The following ADK variants were observed in gnomAD, a reference collection of about 807,000 sequenced individuals.
ADK encodes N6,N6-dimethyladenosine kinase.
In ADK, 24 loss-of-function variants were observed where a neutral mutation model predicts 44.7. That is an observed-to-expected ratio of 0.54 (90% CI 0.39 to 0.76). The LOEUF (loss-of-function observed/expected upper bound fraction) is 0.76, where lower values mean the gene tolerates loss of function less well. Ranked by LOEUF, ADK falls within the 30% of genes least tolerant of loss-of-function variation. The pLI is 0.00. For synonymous variants in ADK, 128 were observed against 142.6 expected (o/e 0.90, Z 0.73); for missense variants, 321 against 425.1 (o/e 0.76, Z 2.15).
intron 6 of ADK, among the ~76,000 whole-genome samples, chr10:74,407,331 G>C (rs1195425486): frequency 6.6e-6 from 1 of 152,106 alleles, no homozygotes; most frequent in Non-Finnish European, 1.5e-5. Flanking sequence ...ATCTCATCCA[G>C]TTGACATTTT....
At chr10:74,176,907 T>C in intron 1 of ADK, 1 of 1,610,036 alleles carries the variant, frequency 6.2e-7, no homozygotes. Context: ...GGCGGCTGCC[T>C]TGACTGCTCC....
chr10:74,412,597 C>T (rs909379677), intron 6 of ADK, among the ~76,000 whole-genome samples: 1 of 152,144 alleles, frequency 6.6e-6, no homozygotes, highest in Non-Finnish European at 1.5e-5. Context: ...CTCATTGATC[C>T]ATGGGCTGCA....
intron 6 of ADK, among the ~76,000 whole-genome samples, chr10:74,451,820 G>A (rs2133190508): frequency 6.6e-6 from 1 of 152,140 alleles, no homozygotes; most frequent in Admixed American, 6.5e-5. Context: ...GAAAGTGAAA[G>A]AAAACAAAAT....
chr10:74,284,453 G>T (rs1332137879), intron 3 of ADK, among the ~76,000 whole-genome samples: 1 of 151,670 alleles, frequency 6.6e-6, no homozygotes, highest in Non-Finnish European at 1.5e-5. Context: ...TAGTAGAGAC[G>T]GGGTTTCTCC....
intron 9 of ADK, among the ~76,000 whole-genome samples, chr10:74,622,947 C>T (rs963950352): frequency 1.3e-5 from 2 of 151,740 alleles, no homozygotes; most frequent in African/African-American, 2.4e-5. Context: ...GCGGAGGTTG[C>T]GGTGAGCCGA....
At chr10:74,238,855 G>GTTTTTTT (rs1845080402) in intron 3 of ADK, among the ~76,000 whole-genome samples, 2 of 86,522 alleles carry the variant, frequency 2.3e-5, no homozygotes, top group African/African-American at 1.1e-4. Flanking sequence ...TTTAGCTAGT[G>GTTTTTTT]CTTTTTTTTT....
intron 7 of ADK, among the ~76,000 whole-genome samples, chr10:74,555,141 A>G (rs1850192757): frequency 6.6e-6 from 1 of 152,190 alleles, no homozygotes; most frequent in Admixed American, 6.5e-5. Context: ...TACAAAAAAA[A>G]GAAAATTAGC....
At chr10:74,611,756 T>G (rs1852553988) in intron 9 of ADK, among the ~76,000 whole-genome samples, 1 of 152,068 alleles carries the variant, frequency 6.6e-6, no homozygotes, top group South Asian at 2.1e-4. Context: ...TTAATTCACT[T>G]TGGATAATGT....
At chr10:74,458,685 G>A (rs1043490014) in intron 6 of ADK, among the ~76,000 whole-genome samples, 13 of 151,684 alleles carry the variant, frequency 8.6e-5, no homozygotes, top group Admixed American at 3.9e-4. Context: ...ACACTACACC[G>A]GTACTATCAG....
chr10:74,251,631 G>A (rs897358756), intron 3 of ADK, among the ~76,000 whole-genome samples: 5 of 152,094 alleles, frequency 3.3e-5, no homozygotes, highest in East Asian at 3.8e-4. Flanking sequence ...GACCAAGATT[G>A]TTACAGCAAA....
chr10:74,335,998 T>G (rs1051344291), intron 4 of ADK, among the ~76,000 whole-genome samples: 1 of 152,214 alleles, frequency 6.6e-6, no homozygotes, highest in Non-Finnish European at 1.5e-5. Flanking sequence ...CCTAACAATG[T>G]CTTTCAGTGA....
intron 4 of ADK, among the ~76,000 whole-genome samples, chr10:74,369,754 A>G (rs1388342288): frequency 3.3e-5 from 5 of 152,140 alleles, no homozygotes; most frequent in African/African-American, 9.7e-5. Flanking sequence ...TACTTTCACT[A>G]CTTCTGTTCG....
chr10:74,593,515 A>G (rs1183256598), intron 8 of ADK, among the ~76,000 whole-genome samples: 1 of 152,136 alleles, frequency 6.6e-6, no homozygotes, highest in Non-Finnish European at 1.5e-5. Flanking sequence ...AATTTCAAAC[A>G]GAGAGAACAG....
At chr10:74,201,672 G>GTATC (rs1219010013) in intron 2 of ADK, among the ~76,000 whole-genome samples, 164 of 134,650 alleles carry the variant, frequency 1.2e-3, no homozygotes, top group Non-Finnish European at 1.3e-3. Context: ...ATGTATGTAT[G>GTATC]TATGTATCTA....
intron 6 of ADK, among the ~76,000 whole-genome samples, chr10:74,407,756 CA>C (rs1396630566): frequency 1.3e-5 from 2 of 152,216 alleles, no homozygotes; most frequent in African/African-American, 4.8e-5. Context: ...GAACTCTATT[CA>C]AGGTGTAAGT....
chr10:74,356,013 T>TTTTTG (rs1564672660), intron 4 of ADK, among the ~76,000 whole-genome samples: 14 of 132,046 alleles, frequency 1.1e-4, no homozygotes, highest in Non-Finnish European at 1.9e-4. Flanking sequence ...TTTTTTTTTT[T>TTTTTG]TTTTTTTTTT....
chr10:74,325,620 C>T (rs1346990379), intron 4 of ADK, among the ~76,000 whole-genome samples: 1 of 152,132 alleles, frequency 6.6e-6, no homozygotes, highest in Non-Finnish European at 1.5e-5. Flanking sequence ...TTGGATTTTT[C>T]ATATATGGCC....
intron 3 of ADK, among the ~76,000 whole-genome samples, chr10:74,306,537 C>T (rs547960438): frequency 5.5e-4 from 84 of 152,090 alleles, no homozygotes; most frequent in Non-Finnish European, 7.5e-4. Context: ...AATTATTTTA[C>T]CTCTTATTAT....
chr10:74,243,209 G>C (rs1052846252), intron 3 of ADK, among the ~76,000 whole-genome samples: 2 of 152,270 alleles, frequency 1.3e-5, no homozygotes, highest in Admixed American at 6.5e-5. Flanking sequence ...CCCTCACCTG[G>C]GTGCTGCTGT....
Sources: gnomAD v4.1 joint callset for allele counts (sites outside exome capture counted in the v4.1 genomes callset) on GRCh38, gnomAD v4.1.1 for gene constraint, MANE v1.5 for transcripts, NCBI Gene and HGNC (gene_info 2026-07-23, HGNC 2026-07-21) for gene names.